TM4SF18: variants seen among roughly 807,000 people sequenced by gnomAD.
TM4SF18 encodes transmembrane 4 L6 family member 18.
A neutral mutation model predicts 23.8 loss-of-function variants in TM4SF18; 22 were observed. The ratio of observed to expected loss-of-function variants is 0.92; its 90% CI spans 0.66 to 1.32. The LOEUF is 1.32. Ranked by LOEUF, TM4SF18 falls within the 40% of genes most tolerant of loss-of-function variation. The pLI, the probability that TM4SF18 is intolerant of heterozygous loss-of-function variation, is 0.00. For missense variants in TM4SF18, 255 were observed against 240.3 expected, an observed-to-expected ratio of 1.06 and a Z score of -0.41; for synonymous variants, 87 against 87.9, an observed-to-expected ratio of 0.99 and a Z score of 0.06.
At chr3:149,326,919 C>A (rs1038498887) in intron 3 of TM4SF18, among the ~76,000 whole-genome samples, 1 of 151,798 alleles carries the variant, frequency 6.6e-6, no homozygotes, top group Non-Finnish European at 1.5e-5. Flanking sequence ...CTGCCATAGA[C>A]CTGGAAGAAG....
In TM4SF18 at chr3:149,320,597, A is replaced by T. The variant is rs181174209; in HGVS notation, c.*881T>A. Reference sequence around the variant, plus strand: ...GCAAGAGTTTAGATTGTATAAGTTTATATAAAACTCTTTTTGGCTCATCTA... The same window carrying T: ...GCAAGAGTTTAGATTGTATAAGTTTTTATAAAACTCTTTTTGGCTCATCTA... On this transcript the variant is annotated 3_prime_UTR_variant, in exon 6 of 6. Coordinates refer to ENST00000296059, the MANE Select transcript of TM4SF18 (RefSeq NM_138786.4). 3.7e-4 allele frequency: 57 copies of T among 152,322 alleles called. No individual in the cohort carries two copies. Among genetic ancestry groups the T allele is most frequent in the African/African-American group, 1.3e-3 (53 of 41,574 alleles). 9.4% of individuals were successfully genotyped at this position (152,322 alleles called of 1,614,324 possible). A position where few individuals can be genotyped will look rare whatever the true frequency, so the allele number is the denominator to read the frequency against.
intron 3 of TM4SF18, among the ~76,000 whole-genome samples, chr3:149,327,450 A>G (rs541246512): frequency 6.7e-6 from 1 of 149,030 alleles, no homozygotes; most frequent in South Asian, 2.2e-4. Context: ...TAAGGAGGAA[A>G]TGAGTAGCTG....
chr3:149,327,167 C>T (rs1475294066), intron 3 of TM4SF18, among the ~76,000 whole-genome samples: 1 of 152,212 alleles, frequency 6.6e-6, no homozygotes, highest in African/African-American at 2.4e-5. Flanking sequence ...CCAGGCTGCT[C>T]TCAAACTCCT....
chr3:149,329,560 T>C (rs1022804131), intron 3 of TM4SF18, among the ~76,000 whole-genome samples: 9 of 152,102 alleles, frequency 5.9e-5, no homozygotes, highest in South Asian at 2.1e-4. Flanking sequence ...ATCTATAAAA[T>C]AGGAGCAATA....
chr3:149,329,714 C>T (rs377749510), intron 3 of TM4SF18, among the ~76,000 whole-genome samples: 109 of 152,246 alleles, frequency 7.2e-4, no homozygotes, highest in African/African-American at 2.5e-3. Flanking sequence ...GTATTATTCA[C>T]CCTGATACTA....
At chr3:149,324,394 C>G (rs1022184412) in intron 4 of TM4SF18, among the ~76,000 whole-genome samples, 8 of 152,310 alleles carry the variant, frequency 5.3e-5, no homozygotes, top group Admixed American at 1.3e-4. Context: ...CTCATCCTGC[C>G]TTGTTCTATC....
intron 2 of TM4SF18, among the ~76,000 whole-genome samples, chr3:149,331,125 G>C (rs182853990): frequency 2.7e-4 from 41 of 152,122 alleles, no homozygotes; most frequent in African/African-American, 9.4e-4. Context: ...ATCATGAATT[G>C]CTTATGGGAA....
intron 4 of TM4SF18, among the ~76,000 whole-genome samples, chr3:149,323,468 A>G (rs1730861570): frequency 6.6e-6 from 1 of 152,190 alleles, no homozygotes; most frequent in South Asian, 2.1e-4. Context: ...AAACAAGATG[A>G]CTTGCAATGT....
Position 149,321,340 on chromosome 3 carries a change from G to A in TM4SF18, c.*138C>T, listed in dbSNP as rs1730800682. The A allele has an allele frequency of 1.1e-5, 6 of 569,492 alleles. No homozygotes were observed. The highest frequency in any genetic ancestry group is 1.8e-5 in the Non-Finnish European group (6 of 325,738). 35.3% of individuals were successfully genotyped at this position (569,492 alleles called of 1,614,324 possible). On this transcript the variant is annotated 3_prime_UTR_variant, in exon 6 of 6. Transcript: ENST00000296059. Reference sequence around the variant, plus strand: ...AGGGTGGTATACTTGCATGTGCAGTGAGGACTGCAAATTTTTTACAAATAA... The same window carrying A: ...AGGGTGGTATACTTGCATGTGCAGTAAGGACTGCAAATTTTTTACAAATAA...
At position 149,330,372 on chromosome 3, in the gene TM4SF18, G is replaced by T; in HGVS notation, c.225C>A (p.Asn75Lys). The stretch of plus-strand genomic sequence containing the variant: ...AGTTTTCACTCTGGCAACATTTATA[G>T]TTGTTATTATTCTCCAGTACCAGAA... The part of the protein sequence containing the change: ...TVLLVLENNN[N>K]YKCCQSENCS... The change falls in exon 3 of 6, where the codon AAC becomes AAA. Residue 75 changes from asparagine to lysine, a missense_variant. By Grantham distance (94) the Asn-to-Lys change is moderately conservative. Coordinates refer to ENST00000296059, the MANE Select transcript of TM4SF18 (RefSeq NM_138786.4). 6 of 1,612,130 alleles carry T rather than the reference G, an allele frequency of 3.7e-6. No individual in the cohort carries two copies. Among genetic ancestry groups the T allele is most frequent in the Non-Finnish European group, 4.2e-6 (5 of 1,178,854 alleles).
At position 149,330,412 on chromosome 3, in the gene TM4SF18, A is replaced by G. The variant is rs1274752005; in HGVS notation, c.185T>C (p.Ile62Thr). The G allele has an allele frequency of 1.9e-6, 3 of 1,593,194 alleles. No individual in the cohort carries two copies. The highest frequency in any genetic ancestry group is 2.2e-5 in the East Asian group (1 of 44,466). ...GICFSGIMML[I>T]VTTVLLVLEN... is the part of the protein sequence containing the mutation. ...CAGTACCAGAAGAACTGTTGTTACT[A>G]TAAGCATCTATAGGAGGGAAGACAT... The change falls in exon 3 of 6, where the codon ATA (isoleucine) becomes ACA (threonine). Residue 62 changes from isoleucine to threonine, a missense_variant. Coordinates refer to ENST00000296059, the MANE Select transcript of TM4SF18 (RefSeq NM_138786.4).
At chr3:149,326,003 A>G (rs866631888) in intron 3 of TM4SF18, among the ~76,000 whole-genome samples, 1 of 152,180 alleles carries the variant, frequency 6.6e-6, no homozygotes, top group Non-Finnish European at 1.5e-5. Flanking sequence ...ACACCTGTAC[A>G]TATATACAAA....
intron 1 of TM4SF18, 30 bp downstream of exon 1, chr3:149,333,483 T>TCTC (rs1553772229): frequency 1.9e-5 from 10 of 517,920 alleles, no homozygotes; most frequent in African/African-American, 1.3e-4. Flanking sequence ...TCTCTCTCTC[T>TCTC]TTTTTTTTTT....
rs550377807 is a variant in TM4SF18, at chr3:149,318,804, A to T, written c.*2674T>A. The stretch of plus-strand genomic sequence containing the variant: ...ACTTTTAAATATTTTTCTGGTCTTT[A>T]CATATCTCAAGGTTTATACATGTCT... On this transcript the variant is annotated 3_prime_UTR_variant, in exon 6 of 6. Transcript: ENST00000296059. 1 of 152,282 alleles carries T rather than the reference A, an allele frequency of 6.6e-6. No individual in the cohort carries two copies. The highest frequency in any genetic ancestry group is 1.5e-5 in the Non-Finnish European group (1 of 68,014). The allele number at this position is 152,282 out of a possible 1,614,324, so 9.4% of individuals were successfully genotyped here. A position where few individuals can be genotyped will look rare whatever the true frequency, so the allele number is the denominator to read the frequency against.
chr3:149,330,316 A>C lies in TM4SF18; in HGVS notation c.267+14T>G, dbSNP rs373231059. The C allele has an allele frequency of 8.8e-6, 14 of 1,591,348 alleles. No homozygotes were observed. The African/African-American group carries it at 1.1e-4, about 12-fold the overall frequency. ...AGCCCACTCAACCATCCTCAAAAAA[A>C]CTGTTGCTCTTACCACATATTTTTT... On this transcript the variant is annotated intron_variant, in intron 3 of 5. Transcript: ENST00000296059.
intron 3 of TM4SF18, among the ~76,000 whole-genome samples, chr3:149,329,698 G>A (rs1255157854): frequency 6.6e-6 from 1 of 152,182 alleles, no homozygotes; most frequent in African/African-American, 2.4e-5. Context: ...CTTAGAAAAT[G>A]CGGTTGTATT....
At chr3:149,331,398 A>G (rs1382567073) in intron 2 of TM4SF18, among the ~76,000 whole-genome samples, 1 of 152,216 alleles carries the variant, frequency 6.6e-6, no homozygotes, top group African/African-American at 2.4e-5. Flanking sequence ...TAATTTTTAC[A>G]TGGAATATAA....
intron 3 of TM4SF18, 50 bp from the exon 4 acceptor site, chr3:149,325,072 A>G (rs760501676): frequency 6.4e-7 from 1 of 1,571,298 alleles, no homozygotes; most frequent in Admixed American, 1.7e-5. Flanking sequence ...CGACAAGGGG[A>G]TATTGTGGAT....
chr3:149,321,123 T>C lies in TM4SF18; in HGVS notation c.*355A>G. On this transcript the variant is annotated 3_prime_UTR_variant, in exon 6 of 6. Coordinates refer to ENST00000296059, the MANE Select transcript of TM4SF18 (RefSeq NM_138786.4). ...CTTTACTTAATCCTTCCTCTGAGTT[T>C]AGAATTTTGGGGTGTTTCCAATTTT... 1 of 170,768 alleles carries C rather than the reference T, an allele frequency of 5.9e-6. No homozygotes were observed. The highest frequency in any genetic ancestry group is 2.0e-4 in the South Asian group (1 of 5,026). The allele number at this position is 170,768 out of a possible 1,614,324, so 10.6% of individuals were successfully genotyped here. A position where few individuals can be genotyped will look rare whatever the true frequency, so the allele number is the denominator to read the frequency against.
Sources: allele counts gnomAD v4.1 joint callset (sites outside exome capture counted in the v4.1 genomes callset), GRCh38; gene constraint gnomAD v4.1.1; transcripts MANE v1.5; gene names NCBI Gene and HGNC (gene_info 2026-07-23, HGNC 2026-07-21).